Variants in RHD observed in about 807,000 individuals in gnomAD.
The protein encoded by RHD is blood group Rh(D) polypeptide.
A neutral mutation model predicts 45.5 loss-of-function variants in RHD; 16 were observed. That is an observed-to-expected ratio of 0.35 (90% CI 0.24 to 0.53). The LOEUF is 0.53. Among genes scored for constraint, RHD ranks in the 20% least tolerant of loss-of-function variants. The pLI is 0.92. For synonymous variants in RHD, 131 were observed against 217.5 expected (o/e 0.60, Z 3.50); for missense variants, 306 against 532.0 (o/e 0.58, Z 4.18).
rs1162992234 is a variant in RHD at position 25,308,621 on chromosome 1, G to A, written c.1073+1892G>A. ...CTGTCAAGGAGACATCACTATACAT[G>A]GACTTGGGAAGAGATGAGAACAATC... On this transcript the variant is annotated intron_variant, in intron 7 of 9. Coordinates refer to ENST00000328664, the MANE Select transcript of RHD (RefSeq NM_016124.6). Among the ~76,000 whole-genome samples, 3 of 131,508 alleles carry A rather than the reference G, an allele frequency of 2.3e-5. 1 individual carries two copies. Among genetic ancestry groups the A allele is most frequent in the Non-Finnish European group, 5.4e-5 (3 of 55,748 alleles). 86.3% of individuals were successfully genotyped at this position (131,508 alleles called of 152,430 possible).
rs1643930478 is a variant in RHD at position 25,307,784 on chromosome 1, T to C, written c.1073+1055T>C. 1.5e-6 allele frequency: 2 copies of C among 1,300,222 alleles called. 1 individual carries two copies. The allele number at this position is 1,300,222 out of a possible 1,614,324, so 80.5% of individuals were successfully genotyped here. A position where few individuals can be genotyped will look rare whatever the true frequency, so the allele number is the denominator to read the frequency against. The stretch of plus-strand genomic sequence containing the variant: ...TGGATGCCTTCTACAGAGACAACCA[T>C]AGCCCCAAATTATAGGGATCACATA... On this transcript the variant is annotated intron_variant, in intron 7 of 9. Transcript: ENST00000328664.
intron 3 of RHD, 98 bp from the exon 4 acceptor site, chr1:25,300,848 C>T: frequency 8.0e-7 from 1 of 1,246,978 alleles, no homozygotes; most frequent in African/African-American, 1.5e-5. Context: ...TCAAGTCACA[C>T]CTCCTAAGTG....
rs1377865154 is a variant in RHD at position 25,303,567 on chromosome 1, G to C, written c.939+108G>C. 3 of 1,139,110 alleles carry C rather than the reference G, an allele frequency of 2.6e-6. 1 individual carries two copies. The highest frequency in any genetic ancestry group is 2.5e-5 in the South Asian group (2 of 78,648). 70.6% of individuals were successfully genotyped at this position (1,139,110 alleles called of 1,614,324 possible). A position where few individuals can be genotyped will look rare whatever the true frequency, so the allele number is the denominator to read the frequency against. ...ACAGCTGCATTAGGCAGGTGTCGGC[G>C]CATTCTCTTATTGGCTTCAACGCCT... is the stretch of plus-strand genomic sequence containing the variant. On this transcript the variant is annotated intron_variant, in intron 6 of 9. Coordinates refer to ENST00000328664, the MANE Select transcript of RHD (RefSeq NM_016124.6).
rs1354548916 is a variant in RHD, at chr1:25,280,219, C to G, written c.149-4354C>G. Among the ~76,000 whole-genome samples the G allele has an allele frequency of 2.4e-5, 3 of 126,930 alleles. No individual in the cohort carries two copies. In the East Asian group the frequency reaches 5.9e-4, roughly 25 times the overall value. The allele number at this position is 126,930 out of a possible 152,430, so 83.3% of individuals were successfully genotyped here. ...GAGCCTTGGGGAGGAAGGCCCTGAG[C>G]GCGTATACCTGGAATCAGGGAATCG... is the stretch of plus-strand genomic sequence containing the variant. On this transcript the variant is annotated intron_variant, in intron 1 of 9. Coordinates refer to ENST00000328664, the MANE Select transcript of RHD (RefSeq NM_016124.6).
chr1:25,284,410 G>C (rs1239986407), intron 1 of RHD, among the ~76,000 whole-genome samples, 163 bp from the exon 2 acceptor site: 3 of 135,402 alleles, frequency 2.2e-5, no homozygotes, highest in Admixed American at 2.1e-4. Context: ...CCATTATTCA[G>C]TTGAGAACAT....
At chr1:25,283,801 A>T (rs1352955529) in intron 1 of RHD, among the ~76,000 whole-genome samples, 1 of 133,788 alleles carries the variant, frequency 7.5e-6, no homozygotes, top group Non-Finnish European at 1.8e-5. Flanking sequence ...CCTGATTTGA[A>T]CCCAAGTTTG....
In RHD at chr1:25,320,279, C is replaced by A. The variant is rs1303307601; in HGVS notation, c.1154-1610C>A. Among the ~76,000 whole-genome samples, 6 of 132,278 alleles carry A rather than the reference C, an allele frequency of 4.5e-5. 1 individual carries two copies. The highest frequency in any genetic ancestry group is 1.1e-4 in the Non-Finnish European group (6 of 55,794). The allele number at this position is 132,278 out of a possible 152,430, so 86.8% of individuals were successfully genotyped here. ...AGAACAACAACCCTCCACAGCTACA[C>A]ACCTTTTCCACGTTATATGGCACGT... On this transcript the variant is annotated intron_variant, in intron 8 of 9. Coordinates refer to ENST00000328664, the MANE Select transcript of RHD (RefSeq NM_016124.6).
intron 3 of RHD, among the ~76,000 whole-genome samples, chr1:25,300,089 G>T (rs1364278061): frequency 7.6e-6 from 1 of 131,042 alleles, no homozygotes; most frequent in Non-Finnish European, 1.8e-5. Context: ...AAGAAGTCTG[G>T]TTGCTTCATG....
intron 1 of RHD, among the ~76,000 whole-genome samples, chr1:25,277,313 C>G (rs1641096546): frequency 7.7e-6 from 1 of 129,304 alleles, no homozygotes; most frequent in East Asian, 2.0e-4. Flanking sequence ...GATAGAATAG[C>G]CTAGATCCAT....
At chr1:25,280,605 C>CTTT (rs71014346) in intron 1 of RHD, among the ~76,000 whole-genome samples, 7 of 60,748 alleles carry the variant, frequency 1.2e-4, no homozygotes, top group African/African-American at 3.3e-4. Context: ...TGTGCCTGGC[C>CTTT]TTTTTTTTTT....
In RHD at chr1:25,330,086, C is replaced by T. The variant is rs976533887; in HGVS notation, c.*1162C>T. On this transcript the variant is annotated 3_prime_UTR_variant, in exon 10 of 10. Transcript: ENST00000328664. The stretch of plus-strand genomic sequence containing the variant: ...GGTTGCAGGACAAACAGACGGACAG[C>T]GTGTGGCAGTGTTTAAATGCTCTTC... The T allele has an allele frequency of 1.5e-5, 2 of 132,658 alleles. No homozygotes were observed. The highest frequency in any genetic ancestry group is 1.8e-5 in the Non-Finnish European group (1 of 55,976). The allele number at this position is 132,658 out of a possible 1,614,324, so 8.2% of individuals were successfully genotyped here.
intron 6 of RHD, among the ~76,000 whole-genome samples, chr1:25,305,861 C>A (rs2124688906): frequency 7.6e-6 from 1 of 131,292 alleles, no homozygotes; most frequent in Admixed American, 7.4e-5. Context: ...GTCGGCCTCC[C>A]AAAGTGCTGG....
In RHD at chr1:25,321,029, A is replaced by G. The variant is rs564926033; in HGVS notation, c.1154-860A>G. On this transcript the variant is annotated intron_variant, in intron 8 of 9. Transcript: ENST00000328664. The stretch of plus-strand genomic sequence containing the variant: ...ACTGCACTCCAGCCTGGATAACAGA[A>G]TGAGACTCTGTCCCAAAAATAAAAA... Among the ~76,000 whole-genome samples, 289 of 131,416 alleles carry G rather than the reference A, an allele frequency of 2.2e-3. 39 individuals carry two copies. Among genetic ancestry groups the G allele is most frequent in the African/African-American group, 7.1e-3 (274 of 38,698 alleles). The allele number at this position is 131,416 out of a possible 152,430, so 86.2% of individuals were successfully genotyped here.
chr1:25,301,937 C>T (rs1467189298), intron 5 of RHD, among the ~76,000 whole-genome samples: 2 of 130,902 alleles, frequency 1.5e-5, no homozygotes, highest in African/African-American at 5.2e-5. Context: ...TAACATGAAA[C>T]AGACCTCAGT....
chr1:25,311,826 C>T (rs1407603141), intron 7 of RHD, among the ~76,000 whole-genome samples: 1 of 131,280 alleles, frequency 7.6e-6, no homozygotes, highest in African/African-American at 2.7e-5. Flanking sequence ...TGGCAGCATA[C>T]ACATGGCACT....
At chr1:25,288,274 C>A (rs1642215346) in intron 2 of RHD, among the ~76,000 whole-genome samples, 1 of 130,222 alleles carries the variant, frequency 7.7e-6, no homozygotes, top group Admixed American at 7.5e-5. Context: ...CACCTCGGCT[C>A]TGAAAAGTAC....
intron 1 of RHD, among the ~76,000 whole-genome samples, chr1:25,279,673 G>A (rs61777606): frequency 0.27 from 32,645 of 120,476 alleles, 10,752 homozygotes; most frequent in Middle Eastern, 0.6. Flanking sequence ...GTGGGGTACT[G>A]TCTATCTGTG....
At chr1:25,293,530 A>G (rs542003415) in intron 3 of RHD, among the ~76,000 whole-genome samples, 2,490 of 131,620 alleles carry the variant, frequency 0.019, 337 homozygotes, top group African/African-American at 0.059. Flanking sequence ...TTTACAATGG[A>G]TAATATTTTG....
At position 25,322,449 on chromosome 1, in the gene RHD, G is replaced by A. The variant is rs549607945; in HGVS notation, c.1227+487G>A. On this transcript the variant is annotated intron_variant, in intron 9 of 9. Coordinates refer to ENST00000328664, the MANE Select transcript of RHD (RefSeq NM_016124.6). ...GCACTTTGGGAGGCTGAGGTGGGGC[G>A]ATCACCTGAGGCCAGGAGTTCGAGA... Among the ~76,000 whole-genome samples the A allele has an allele frequency of 2.3e-4, 30 of 133,012 alleles. 4 individuals carry two copies. The highest frequency in any genetic ancestry group is 7.2e-4 in the African/African-American group (28 of 39,158). The allele number at this position is 133,012 out of a possible 152,430, so 87.3% of individuals were successfully genotyped here.
Sources: gnomAD v4.1 joint callset for allele counts (sites outside exome capture counted in the v4.1 genomes callset) on GRCh38, gnomAD v4.1.1 for gene constraint, MANE v1.5 for transcripts, NCBI Gene and HGNC (gene_info 2026-07-23, HGNC 2026-07-21) for gene names.